Variants in LAMA5 observed in about 807,000 individuals in gnomAD.
LAMA5 encodes the protein laminin subunit alpha-5.
LAMA5 carries 260 observed loss-of-function variants against 433.4 expected under a neutral mutation model. The ratio of observed to expected loss-of-function variants is 0.60; its 90% confidence interval spans 0.54 to 0.66. LAMA5 has a LOEUF of 0.66. Among genes scored for constraint, LAMA5 ranks in the 30% least tolerant of loss-of-function variants. LAMA5 has a pLI of 0.00. For missense variants in LAMA5, 5,378 were observed against 5,258.5 expected (o/e 1.02, Z -0.70); for synonymous variants, 2,620 against 2,226.6 (o/e 1.18, Z -4.97).
Position 62,309,129 on chromosome 20 carries a change from C to CAATT in LAMA5, c.*203_*206dup. 2 of 624,354 alleles carry CAATT rather than the reference C, an allele frequency of 3.2e-6. No homozygotes were observed. Among genetic ancestry groups the CAATT allele is most frequent in the East Asian group, 2.9e-5 (1 of 34,182 alleles). The allele number at this position is 624,354 out of a possible 1,614,324, so 38.7% of individuals were successfully genotyped here. A position where few individuals can be genotyped will look rare whatever the true frequency, so the allele number is the denominator to read the frequency against. On this transcript the variant is annotated 3_prime_UTR_variant, in exon 80 of 80. Coordinates refer to ENST00000252999, the MANE Select transcript of LAMA5 (RefSeq NM_005560.6). ...GTGATGATTGGTGACAAATCTCTCA[C>CAATT]AATTAAAAATGGGTGGAAGGGCCAA...
intron 18 of LAMA5, among the ~76,000 whole-genome samples, chr20:62,335,773 C>G (rs1433614182): frequency 1.4e-5 from 2 of 146,776 alleles, no homozygotes; most frequent in Non-Finnish European, 3.0e-5. Flanking sequence ...CCAGGGCACA[C>G]TCATGGACTC....
In LAMA5 at chr20:62,329,057, T is replaced by C; in HGVS notation, c.4236-2A>G. On this transcript the variant is annotated splice_acceptor_variant, in intron 33 of 79. Coordinates refer to ENST00000252999, the MANE Select transcript of LAMA5 (RefSeq NM_005560.6). LOFTEE classifies it high-confidence loss of function. ...CAGAACAGGGATGAGCTGCTGGGGCTACATGGAGGGGCACGTGGTGAGGCC... is the reference window on the plus strand; with the variant it reads ...CAGAACAGGGATGAGCTGCTGGGGCCACATGGAGGGGCACGTGGTGAGGCC... 1 of 1,612,642 alleles carries C rather than the reference T, an allele frequency of 6.2e-7. No homozygotes were observed. Among genetic ancestry groups the C allele is most frequent in the Non-Finnish European group, 8.5e-7 (1 of 1,179,846 alleles).
chr20:62,356,912 T>C (rs1343353005), intron 2 of LAMA5, among the ~76,000 whole-genome samples: 2 of 152,226 alleles, frequency 1.3e-5, no homozygotes, highest in African/African-American at 4.8e-5. Flanking sequence ...CCACTGGAGC[T>C]GCCCCACTCA....
chr20:62,338,714 CACA>C, intron 11 of LAMA5, 106 bp from the exon 12 acceptor site: 1 of 1,136,376 alleles, frequency 8.8e-7, no homozygotes, highest in Non-Finnish European at 1.2e-6. Flanking sequence ...TACACTTTTA[CACA>C]ACACTAACTA....
intron 34 of LAMA5, 143 bp from the exon 35 acceptor site, chr20:62,328,588 T>C (rs1979747542): frequency 1.1e-6 from 1 of 897,616 alleles, no homozygotes; most frequent in Non-Finnish European, 1.6e-6. Context: ...GTGCTGAGCC[T>C]TGGACAGCTC....
chr20:62,323,642 G>C lies in LAMA5; in HGVS notation c.5878C>G (p.Leu1960Val). Residue 1960 changes from leucine (L) to valine (V), a missense_variant, in exon 45 of 80, where the codon CTG becomes GTG. Leu to Val is a conservative substitution (Grantham distance 32). Transcript: ENST00000252999. ...GGCTGGCAGGAGCTGCCCAGCACCA[G>C]TGGGTTCCCAAAGAATCCGGGCGCA... The part of the protein sequence containing the change: ...RCAPGFFGNP[L>V]VLGSSCQPCD... The C allele has an allele frequency of 1.2e-6, 2 of 1,610,772 alleles. No individual in the cohort carries two copies. Among genetic ancestry groups the C allele is most frequent in the Non-Finnish European group, 8.5e-7 (1 of 1,179,106 alleles).
Position 62,309,243 on chromosome 20 carries a change from G to A in LAMA5, c.*93C>T, listed in dbSNP as rs1985793351. ...AGAAACAAGATCTGTCACCCGTAGA[G>A]CTTAGAGTCCAAATAGACACCTATG... On this transcript the variant is annotated 3_prime_UTR_variant, in exon 80 of 80. Coordinates refer to ENST00000252999, the MANE Select transcript of LAMA5 (RefSeq NM_005560.6). 33 of 1,258,312 alleles carry A rather than the reference G, an allele frequency of 2.6e-5. No individual in the cohort carries two copies. Among genetic ancestry groups the A allele is most frequent in the Non-Finnish European group, 3.5e-5 (32 of 917,698 alleles). 77.9% of individuals were successfully genotyped at this position (1,258,312 alleles called of 1,614,324 possible). A position where few individuals can be genotyped will look rare whatever the true frequency, so the allele number is the denominator to read the frequency against.
chr20:62,316,958 C>A lies in LAMA5; in HGVS notation c.7577G>T (p.Ser2526Ile), dbSNP rs2146076519. 1 of 1,570,012 alleles carries A rather than the reference C, an allele frequency of 6.4e-7. No individual in the cohort carries two copies. The highest frequency in any genetic ancestry group is 8.7e-7 in the Non-Finnish European group (1 of 1,154,004). The change falls in exon 56 of 80, where the codon AGC (serine) becomes ATC (isoleucine). Residue 2526 changes from serine to isoleucine, a missense_variant. Coordinates refer to ENST00000252999, the MANE Select transcript of LAMA5 (RefSeq NM_005560.6). ...QRAIEASNAY[S>I]RILQAVQAAE... is the part of the protein sequence containing the mutation. ...AGCCTGCACGGCCTGCAGGATGCGG[C>A]TGTAGGCGTTGGAGGCCTCGATGGC...
rs758785310 is a variant in LAMA5 at position 62,309,482 on chromosome 20, G to A, written c.10949-7C>T. The A allele has an allele frequency of 5.7e-6, 9 of 1,570,554 alleles. No individual in the cohort carries two copies. The highest frequency in any genetic ancestry group is 3.4e-5 in the South Asian group (3 of 87,044). ...GGCTGCACGGCCATGGGCTCTGGGG[G>A]CACAGGGAAGATGGAAGAAGGCTGG... is the stretch of plus-strand genomic sequence containing the variant. On this transcript the variant is annotated splice_region_variant and splice_polypyrimidine_tract_variant and intron_variant, in intron 79 of 79. Transcript: ENST00000252999.
In LAMA5 at chr20:62,330,950, G is replaced by A; in HGVS notation, c.3651-6C>T. The A allele has an allele frequency of 6.4e-7, 1 of 1,554,586 alleles. No individual in the cohort carries two copies. The highest frequency in any genetic ancestry group is 8.7e-7 in the Non-Finnish European group (1 of 1,149,366). ...GCGAGGGCAGACAGGCGGCACTGGT[G>A]AGAGCACAGTGGGTGAGTCAGAGCC... On this transcript the variant is annotated splice_region_variant and splice_polypyrimidine_tract_variant and intron_variant, in intron 29 of 79. Coordinates refer to ENST00000252999, the MANE Select transcript of LAMA5 (RefSeq NM_005560.6).
Position 62,329,911 on chromosome 20 carries a change from C to G in LAMA5, c.3985G>C (p.Ala1329Pro), listed in dbSNP as rs772823363. 4.3e-6 allele frequency: 7 copies of G among 1,611,058 alleles called. No homozygotes were observed. In the South Asian group the frequency reaches 7.7e-5, roughly 18 times the overall value. The change falls in exon 32 of 80, where the codon GCC (alanine) becomes CCC (proline). Residue 1329 changes from alanine to proline, a missense_variant. By Grantham distance (27) the Ala-to-Pro change is conservative (BLOSUM62 -1). Transcript: ENST00000252999. ...INAGRVWQGH[A>P]NASFCPHGYG... The stretch of plus-strand genomic sequence containing the variant: ...CCATGTGGACAGAAGCTGGCGTTGG[C>G]GTGGCCTGGGCGGGGGAGAAAGGCA...
At chr20:62,340,313 T>G (rs953087618) in intron 11 of LAMA5, among the ~76,000 whole-genome samples, 22 of 142,270 alleles carry the variant, frequency 1.5e-4, no homozygotes, top group East Asian at 1.5e-3. Flanking sequence ...TTGTTTTTTT[T>G]TTTTTTTTTT....
In LAMA5 at chr20:62,322,468, A is replaced by G; in HGVS notation, c.6166-19T>C. The G allele has an allele frequency of 1.3e-6, 2 of 1,561,990 alleles. No homozygotes were observed. Among genetic ancestry groups the G allele is most frequent in the Non-Finnish European group, 1.7e-6 (2 of 1,153,746 alleles). ...GTCCCTCCTGTGGCACAGGCTGGTC[A>G]CTGCCCTGCCCAGCCCTCAAGACTG... is the stretch of plus-strand genomic sequence containing the variant. On this transcript the variant is annotated intron_variant, in intron 46 of 79. Transcript: ENST00000252999.
intron 6 of LAMA5, among the ~76,000 whole-genome samples, chr20:62,350,542 C>G (rs935032073): frequency 6.6e-6 from 1 of 152,208 alleles, no homozygotes; most frequent in Non-Finnish European, 1.5e-5. Flanking sequence ...TAAACTGGAG[C>G]GTGGACAGAG....
At chr20:62,343,127 C>T (rs772129608) in intron 11 of LAMA5, among the ~76,000 whole-genome samples, 4 of 152,212 alleles carry the variant, frequency 2.6e-5, no homozygotes, top group Non-Finnish European at 5.9e-5. Flanking sequence ...CGTTCTATGG[C>T]TGCTTGCAAG....
rs1023668948 is a variant in LAMA5 at position 62,345,588 on chromosome 20, G to C, written c.1477+230C>G. 4 of 663,752 alleles carry C rather than the reference G, an allele frequency of 6.0e-6. No homozygotes were observed. In the African/African-American group the frequency reaches 7.1e-5, roughly 12 times the overall value. The allele number at this position is 663,752 out of a possible 1,614,324, so 41.1% of individuals were successfully genotyped here. On this transcript the variant is annotated intron_variant, in intron 11 of 79. Coordinates refer to ENST00000252999, the MANE Select transcript of LAMA5 (RefSeq NM_005560.6). ...CACCCAGCTAATTTTTGTATTTGCT[G>C]TAGAGACAGGGTTTTACCATGTTGC... is the stretch of plus-strand genomic sequence containing the variant.
rs749149554 is a variant in LAMA5 at position 62,310,656 on chromosome 20, G to A, written c.10446+9C>T. 1 of 1,601,086 alleles carries A rather than the reference G, an allele frequency of 6.2e-7. No homozygotes were observed. The highest frequency in any genetic ancestry group is 1.7e-5 in the Admixed American group (1 of 59,388). On this transcript the variant is annotated intron_variant, in intron 75 of 79. Coordinates refer to ENST00000252999, the MANE Select transcript of LAMA5 (RefSeq NM_005560.6). Reference sequence around the variant, plus strand: ...TGGGGAGTGGGGGCTGGGGCAAGATGGTTCTCACCGGAAGTTTGGAGCTGT... The same window carrying A: ...TGGGGAGTGGGGGCTGGGGCAAGATAGTTCTCACCGGAAGTTTGGAGCTGT...
In LAMA5 at chr20:62,367,252, G is replaced by A. The variant is rs967957612; in HGVS notation, c.-7C>T. ...CGCAGAGCCGCTTCGCCATCTTCCC[G>A]GCTCCGGGCCGCGTCCCCGAGCTCC... On this transcript the variant is annotated 5_prime_UTR_variant, in exon 1 of 80. Coordinates refer to ENST00000252999, the MANE Select transcript of LAMA5 (RefSeq NM_005560.6). 8.3e-4 allele frequency: 972 copies of A among 1,167,604 alleles called. 1 individual carries two copies. Among genetic ancestry groups the A allele is most frequent in the Middle Eastern group, 1.1e-3 (3 of 2,850 alleles). The allele number at this position is 1,167,604 out of a possible 1,614,324, so 72.3% of individuals were successfully genotyped here. A position where few individuals can be genotyped will look rare whatever the true frequency, so the allele number is the denominator to read the frequency against.
At position 62,314,966 on chromosome 20, in the gene LAMA5, G is replaced by C; in HGVS notation, c.8048-19C>G. ...GTGGACACTGCAGAGAGGGAGACCT[G>C]AGACCTTTGCCCCCCACCGTGCCCG... On this transcript the variant is annotated intron_variant, in intron 59 of 79. Coordinates refer to ENST00000252999, the MANE Select transcript of LAMA5 (RefSeq NM_005560.6). The C allele has an allele frequency of 1.3e-6, 2 of 1,584,598 alleles. No homozygotes were observed. Among genetic ancestry groups the C allele is most frequent in the Admixed American group, 1.7e-5 (1 of 58,904 alleles).
Sources: gnomAD v4.1 joint callset for allele counts (sites outside exome capture counted in the v4.1 genomes callset) on GRCh38, gnomAD v4.1.1 for gene constraint, MANE v1.5 for transcripts, NCBI Gene and HGNC (gene_info 2026-07-23, HGNC 2026-07-21) for gene names.